The following BCAS2 variants were observed in gnomAD, a reference collection of about 807,000 sequenced individuals.
BCAS2 encodes the protein BCAS2 pre-mRNA processing factor.
BCAS2 carries 34 observed loss-of-function variants against 35.3 expected under a neutral mutation model. That is an observed-to-expected ratio of 0.96 (90% confidence interval 0.73 to 1.28). BCAS2 has a LOEUF of 1.28. Ranked by LOEUF, BCAS2 falls within the 50% of genes most tolerant of loss-of-function variation. The pLI, the probability that BCAS2 is intolerant of heterozygous loss-of-function variation, is 0.00. For missense variants in BCAS2, 221 were observed against 268.1 expected (o/e 0.82, Z 1.23); for synonymous variants, 75 against 91.6 (o/e 0.82, Z 1.03).
chr1:114,568,153 C>G lies in BCAS2; in HGVS notation c.655G>C (p.Glu219Gln), dbSNP rs1429467651. 2.5e-6 allele frequency: 4 copies of G among 1,612,842 alleles called. No homozygotes were observed. The highest frequency in any genetic ancestry group is 3.4e-6 in the Non-Finnish European group (4 of 1,179,940). Residue 219 changes from glutamate to glutamine, a missense_variant, in exon 7 of 7, where the codon GAA becomes CAA. Physicochemically the swap from Glu to Gln is conservative, Grantham distance 29 (BLOSUM62 2). Coordinates refer to ENST00000369541, the MANE Select transcript of BCAS2 (RefSeq NM_005872.3). ...IKQQHGEANK[E>Q]NIRQDF ...TTTCAGAAGTCTTGCCGGATGTTTT[C>G]TTTGTTTGCCTCTCCATGTTGCTGC...
chr1:114,570,572 G>T, intron 5 of BCAS2, 128 bp downstream of exon 5: 1 of 705,202 alleles, frequency 1.4e-6, no homozygotes, highest in South Asian at 1.9e-5. Flanking sequence ...GTCAGATGTT[G>T]AACAAAGAGA....
rs113369027 is a variant in BCAS2, at chr1:114,581,394, A to T, written c.94-3T>A. Reference sequence around the variant, plus strand: ...TCCTCCTCCACCAGCGCTGCAGCCTAAGAAAGAGAATAGGGACCAGGGTAG... The same window carrying T: ...TCCTCCTCCACCAGCGCTGCAGCCTTAGAAAGAGAATAGGGACCAGGGTAG... On this transcript the variant is annotated splice_polypyrimidine_tract_variant and splice_region_variant and intron_variant, in intron 1 of 6. Coordinates refer to ENST00000369541, the MANE Select transcript of BCAS2 (RefSeq NM_005872.3). 6.2e-7 allele frequency: 1 copy of T among 1,614,018 alleles called. No homozygotes were observed.
At chr1:114,576,190 C>CT (rs917507671) in intron 3 of BCAS2, among the ~76,000 whole-genome samples, 3 of 151,014 alleles carry the variant, frequency 2.0e-5, no homozygotes, top group Non-Finnish European at 2.9e-5. Flanking sequence ...TCTATTCTCT[C>CT]TTCATACTAC....
chr1:114,576,478 G>A (rs1187362078), intron 3 of BCAS2, among the ~76,000 whole-genome samples: 1 of 146,966 alleles, frequency 6.8e-6, no homozygotes, highest in Non-Finnish European at 1.5e-5. Context: ...GGTAGAGATG[G>A]GGTTTTGCCA....
chr1:114,579,656 A>T (rs1382808215), intron 2 of BCAS2, among the ~76,000 whole-genome samples: 1 of 151,786 alleles, frequency 6.6e-6, no homozygotes, highest in Non-Finnish European at 1.5e-5. Context: ...ACTTGAGGCC[A>T]GGAGTTCAAG....
At chr1:114,577,603 G>A (rs1654797935) in intron 2 of BCAS2, among the ~76,000 whole-genome samples, 1 of 152,104 alleles carries the variant, frequency 6.6e-6, no homozygotes, top group Non-Finnish European at 1.5e-5. Context: ...CTGACCTGAG[G>A]TGATCGGCCT....
At chr1:114,576,021 G>A (rs1654754593) in intron 3 of BCAS2, among the ~76,000 whole-genome samples, 1 of 152,056 alleles carries the variant, frequency 6.6e-6, no homozygotes, top group African/African-American at 2.4e-5. Flanking sequence ...AAATGTTACT[G>A]AAGAATATTT....
At chr1:114,578,840 A>G (rs4839385) in intron 2 of BCAS2, among the ~76,000 whole-genome samples, 85,998 of 152,058 alleles carry the variant, frequency 0.57, 24,724 homozygotes, top group Middle Eastern at 0.69. Context: ...TTTGAAGAAC[A>G]GTTAAGGTCT....
chr1:114,573,690 A>G (rs1221534502), intron 4 of BCAS2, among the ~76,000 whole-genome samples: 1 of 152,208 alleles, frequency 6.6e-6, no homozygotes, highest in Non-Finnish European at 1.5e-5. Flanking sequence ...CATTTTGTGA[A>G]ACAGATTTAT....
intron 2 of BCAS2, among the ~76,000 whole-genome samples, chr1:114,579,920 A>G (rs2101631462): frequency 6.6e-6 from 1 of 152,054 alleles, no homozygotes; most frequent in East Asian, 1.9e-4. Context: ...CTTTAATGTA[A>G]ATAATATCTT....
rs1459037795 is a variant in BCAS2 at position 114,568,269 on chromosome 1, G to C, written c.552-13C>G. ...CAGGGATACCCAACTAGAATGGGGGGGAAGAAAAGAAAAAAATTACTCAAT... is the reference window on the plus strand; with the variant it reads ...CAGGGATACCCAACTAGAATGGGGGCGAAGAAAAGAAAAAAATTACTCAAT... On this transcript the variant is annotated splice_polypyrimidine_tract_variant and intron_variant, in intron 6 of 6. Coordinates refer to ENST00000369541, the MANE Select transcript of BCAS2 (RefSeq NM_005872.3). The C allele has an allele frequency of 6.2e-7, 1 of 1,602,684 alleles. No homozygotes were observed. The highest frequency in any genetic ancestry group is 1.4e-5 in the African/African-American group (1 of 73,980).
rs1654777516 is a variant in BCAS2 at position 114,576,724 on chromosome 1, G to A, written c.221C>T (p.Ala74Val). The A allele has an allele frequency of 6.2e-7, 1 of 1,610,942 alleles. No homozygotes were observed. ...DIMRNEFERL[A>V]ARQPIELLSM... is the part of the protein sequence containing the mutation. Reference sequence around the variant, plus strand: ...GAGCAATTCAATTGGTTGTCGAGCAGCCAGTCTTTCAAATTCATTTCTCAT... The same window carrying A: ...GAGCAATTCAATTGGTTGTCGAGCAACCAGTCTTTCAAATTCATTTCTCAT... The change falls in exon 3 of 7, where the codon GCT becomes GTT. Residue 74 changes from alanine (A) to valine (V), a missense_variant. Coordinates refer to ENST00000369541, the MANE Select transcript of BCAS2 (RefSeq NM_005872.3).
chr1:114,572,508 T>C (rs965722979), intron 4 of BCAS2, among the ~76,000 whole-genome samples: 4 of 152,212 alleles, frequency 2.6e-5, no homozygotes, highest in Non-Finnish European at 4.4e-5. Flanking sequence ...AGACAAAATA[T>C]GCTTAGGGGA....
chr1:114,575,803 A>C, intron 3 of BCAS2, 52 bp from the exon 4 acceptor site: 2 of 1,576,086 alleles, frequency 1.3e-6, no homozygotes, highest in South Asian at 2.3e-5. Flanking sequence ...CCAAGCCTTT[A>C]CATCTCTTCT....
At position 114,575,624 on chromosome 1, in the gene BCAS2, G is replaced by A; in HGVS notation, c.385C>T (p.Gln129Ter). ...ACTTTCCAGGCATTACATCCATGCT[G>A]TGACATTAGTTCCAGATTCTCAATT... ...VRIENLELMS[Q>*]HGCNAWKVYN... Residue 129 changes from glutamine (Q) to a stop codon, truncating the protein, a stop_gained, in exon 4 of 7, where the codon CAG becomes TAG. Transcript: ENST00000369541. LOFTEE classifies it high-confidence loss of function. 6.2e-7 allele frequency: 1 copy of A among 1,611,498 alleles called. No homozygotes were observed. Among genetic ancestry groups the A allele is most frequent in the Non-Finnish European group, 8.5e-7 (1 of 1,179,648 alleles).
chr1:114,576,890 G>C, intron 2 of BCAS2, 132 bp from the exon 3 acceptor site: 1 of 621,004 alleles, frequency 1.6e-6, no homozygotes, highest in Non-Finnish European at 2.8e-6. Flanking sequence ...TCTTCTCTGA[G>C]TTAAATGCTC....
In BCAS2 at chr1:114,581,288, G is replaced by T; in HGVS notation, c.186+11C>A. ...AATTCTCGTTCACACCTAGGCTCAA[G>T]ACATACTTACTTCAAAGGCAGAATA... is the stretch of plus-strand genomic sequence containing the variant. On this transcript the variant is annotated intron_variant, in intron 2 of 6. Coordinates refer to ENST00000369541, the MANE Select transcript of BCAS2 (RefSeq NM_005872.3). 6.2e-7 allele frequency: 1 copy of T among 1,613,454 alleles called. No homozygotes were observed.
At chr1:114,573,122 CAAAAAAAAAAAA>C (rs34796829) in intron 4 of BCAS2, among the ~76,000 whole-genome samples, 66 of 6,364 alleles carry the variant, frequency 0.01, no homozygotes, top group Non-Finnish European at 0.016. Context: ...CCCCCACCTC[CAAAAAAAAAAAA>C]AAAAAAAAAA....
At chr1:114,577,216 G>A (rs1045548799) in intron 2 of BCAS2, among the ~76,000 whole-genome samples, 2 of 148,568 alleles carry the variant, frequency 1.3e-5, no homozygotes, top group Non-Finnish European at 3.0e-5. Context: ...AAGCCAGTTT[G>A]TCTTTCTCTT....
Sources: allele counts gnomAD v4.1 joint callset (sites outside exome capture counted in the v4.1 genomes callset), GRCh38; gene constraint gnomAD v4.1.1; transcripts MANE v1.5; gene names NCBI Gene and HGNC (gene_info 2026-07-23, HGNC 2026-07-21).